FHIT: variants seen among roughly 807,000 people sequenced by gnomAD.
FHIT encodes fragile histidine triad diadenosine triphosphatase.
Under a neutral mutation model 17.9 loss-of-function variants are expected in FHIT, and 19 were observed. The observed-to-expected ratio is 1.06, with a 90% CI of 0.74 to 1.56. The LOEUF is 1.56. Among genes scored for constraint, FHIT ranks in the 40% most tolerant of loss-of-function variants. FHIT has a pLI of 0.00. For synonymous variants in FHIT, 81 were observed against 69.7 expected (o/e 1.16, Z -0.81); for missense variants, 248 against 189.2 (o/e 1.31, Z -1.82).
At chr3:60,217,695 C>G (rs1420303561) in intron 5 of FHIT, among the ~76,000 whole-genome samples, 1 of 152,170 alleles carries the variant, frequency 6.6e-6, no homozygotes, top group African/African-American at 2.4e-5. Context: ...TCAACATATT[C>G]AAACCACACT....
rs77014934 is a variant in FHIT, at chr3:59,974,518, T to G, written c.279+36853A>C. Among the ~76,000 whole-genome samples, 782 of 152,232 alleles carry G rather than the reference T, an allele frequency of 5.1e-3. 7 individuals carry two copies. The highest frequency in any genetic ancestry group is 0.051 in the East Asian group (262 of 5,164). ...CAAGCATGAGAAACAAACACAGACT[T>G]TATTTTCTACCTCATCTGTCTTGCA... On this transcript the variant is annotated intron_variant, in intron 7 of 9. Transcript: ENST00000492590.
chr3:60,019,415 C>CTT (rs1281567026), intron 5 of FHIT, among the ~76,000 whole-genome samples: 1,271 of 121,068 alleles, frequency 0.01, 46 homozygotes, highest in Non-Finnish European at 0.014. Context: ...TGAGATGCTC[C>CTT]TTTTTTTTTT....
intron 5 of FHIT, among the ~76,000 whole-genome samples, chr3:60,110,352 C>T (rs1704618091): frequency 6.6e-6 from 1 of 152,132 alleles, no homozygotes. Context: ...TTCCATGGAG[C>T]ACAAAGATGA....
chr3:59,923,100 C>A (rs949712196), intron 7 of FHIT, among the ~76,000 whole-genome samples: 28 of 151,460 alleles, frequency 1.8e-4, no homozygotes, highest in Admixed American at 1.5e-3. Flanking sequence ...TCTACTAAAA[C>A]TACAAAAACA....
chr3:61,017,513 G>A (rs1231876467), intron 3 of FHIT, among the ~76,000 whole-genome samples: 1 of 152,142 alleles, frequency 6.6e-6, no homozygotes, highest in African/African-American at 2.4e-5. Flanking sequence ...GGACAATTTT[G>A]TTTTTCCCAT....
intron 3 of FHIT, among the ~76,000 whole-genome samples, chr3:60,881,547 G>A (rs558285937): frequency 3.0e-4 from 46 of 152,130 alleles, no homozygotes; most frequent in Admixed American, 8.5e-4. Flanking sequence ...AATAAGTCTC[G>A]ACAAATTTAA....
At chr3:60,094,797 G>T (rs1416740180) in intron 5 of FHIT, among the ~76,000 whole-genome samples, 1 of 130,286 alleles carries the variant, frequency 7.7e-6, no homozygotes, top group Non-Finnish European at 1.6e-5. Flanking sequence ...AACACAAGGG[G>T]TGGGGGAGAG....
At chr3:60,813,919 C>T (rs1429124139) in intron 4 of FHIT, among the ~76,000 whole-genome samples, 4 of 152,098 alleles carry the variant, frequency 2.6e-5, no homozygotes, top group African/African-American at 9.7e-5. Context: ...TCTAGACTTC[C>T]TATGCTGTTT....
intron 4 of FHIT, among the ~76,000 whole-genome samples, chr3:60,746,593 G>A (rs888081793): frequency 1.3e-5 from 2 of 152,164 alleles, no homozygotes; most frequent in Non-Finnish European, 2.9e-5. Context: ...AAAAGGAAGA[G>A]AGAGTAAGAA....
intron 2 of FHIT, among the ~76,000 whole-genome samples, chr3:61,141,057 A>G (rs538730843): frequency 2.0e-5 from 3 of 152,324 alleles, no homozygotes; most frequent in African/African-American, 7.2e-5. Context: ...TTGAGGATAC[A>G]TATGTTCAAC....
At chr3:60,349,800 C>G (rs975685700) in intron 5 of FHIT, among the ~76,000 whole-genome samples, 3 of 152,158 alleles carry the variant, frequency 2.0e-5, no homozygotes, top group African/African-American at 7.2e-5. Context: ...TTGCTGAATT[C>G]ATAAGGTAAC....
intron 5 of FHIT, among the ~76,000 whole-genome samples, chr3:60,035,931 CCTG>C (rs1559568935): frequency 6.6e-6 from 1 of 152,188 alleles, no homozygotes; most frequent in Non-Finnish European, 1.5e-5. Flanking sequence ...TTACTTCTTG[CCTG>C]CTATTTGTCC....
chr3:59,792,577 A>G (rs1402929054), intron 8 of FHIT, among the ~76,000 whole-genome samples: 2 of 152,310 alleles, frequency 1.3e-5, no homozygotes, highest in Admixed American at 1.3e-4. Context: ...TTTCATGTGT[A>G]AAACAGGACT....
rs375348913 is a variant in FHIT, at chr3:60,190,904, T to C, written c.104-176752A>G. Among the ~76,000 whole-genome samples, 7 of 151,946 alleles carry C rather than the reference T, an allele frequency of 4.6e-5. No individual in the cohort carries two copies. The East Asian group carries it at 5.8e-4, about 13-fold the overall frequency. On this transcript the variant is annotated intron_variant, in intron 5 of 9. Transcript: ENST00000492590. ...GTTGCAGTGAGCCGAGATTGCACCC[T>C]TGCACTCCAGCCTGAGCAACAGAGT... is the stretch of plus-strand genomic sequence containing the variant.
chr3:60,489,175 A>G (rs1045925855), intron 5 of FHIT, among the ~76,000 whole-genome samples: 3 of 152,308 alleles, frequency 2.0e-5, no homozygotes, highest in African/African-American at 7.2e-5. Flanking sequence ...TAATAGAAAC[A>G]GAGTTCTAAC....
intron 4 of FHIT, among the ~76,000 whole-genome samples, chr3:60,615,674 G>T (rs2038929767): frequency 6.6e-6 from 1 of 152,138 alleles, no homozygotes; most frequent in Non-Finnish European, 1.5e-5. Context: ...TCTGCCAGAT[G>T]CTGCAAGATA....
intron 5 of FHIT, among the ~76,000 whole-genome samples, chr3:60,527,204 T>C (rs1482189061): frequency 6.6e-6 from 1 of 152,228 alleles, no homozygotes; most frequent in Non-Finnish European, 1.5e-5. Context: ...TCTAGAGTCA[T>C]TTGGTCCCTA....
At chr3:60,063,555 A>AT (rs112042372) in intron 5 of FHIT, among the ~76,000 whole-genome samples, 1 of 152,120 alleles carries the variant, frequency 6.6e-6, no homozygotes, top group Non-Finnish European at 1.5e-5. Flanking sequence ...ATGCCATTCA[A>AT]TTTTTTTAGA....
At chr3:60,430,748 G>T (rs1245535388) in intron 5 of FHIT, among the ~76,000 whole-genome samples, 1 of 151,892 alleles carries the variant, frequency 6.6e-6, no homozygotes, top group Non-Finnish European at 1.5e-5. Flanking sequence ...ACTGAACTTT[G>T]GGAGATTACA....
Sources: allele counts gnomAD v4.1 joint callset (sites outside exome capture counted in the v4.1 genomes callset), GRCh38; gene constraint gnomAD v4.1.1; transcripts MANE v1.5; gene names NCBI Gene and HGNC (gene_info 2026-07-23, HGNC 2026-07-21).